Variants in CCDC6 observed in about 807,000 individuals in gnomAD.
The protein encoded by CCDC6 is coiled-coil domain-containing protein 6.
CCDC6 carries 20 observed loss-of-function variants against 56.6 expected under a neutral mutation model. That is an observed-to-expected ratio of 0.35 (90% CI 0.25 to 0.51). The LOEUF is 0.51. Ranked by LOEUF, CCDC6 falls within the 20% of genes least tolerant of loss-of-function variation. The probability of loss-of-function intolerance (pLI) is 0.95; values close to 1 mark genes in which losing one functional copy is unlikely to be tolerated. For synonymous variants in CCDC6, 241 were observed against 234.4 expected (o/e 1.03, Z -0.26); for missense variants, 367 against 601.1 (o/e 0.61, Z 4.07).
chr10:59,813,175 A>G (rs1473006940), intron 4 of CCDC6, among the ~76,000 whole-genome samples: 1 of 152,116 alleles, frequency 6.6e-6, no homozygotes, highest in Admixed American at 6.5e-5. Flanking sequence ...AGGAAATTCC[A>G]TTTTCTTACG....
intron 1 of CCDC6, among the ~76,000 whole-genome samples, chr10:59,869,142 G>A (rs1035569849): frequency 2.6e-5 from 4 of 151,518 alleles, no homozygotes; most frequent in African/African-American, 7.3e-5. Context: ...TCCCTACCAC[G>A]CCCTAATGAT....
At chr10:59,865,309 C>G (rs2071167637) in intron 1 of CCDC6, among the ~76,000 whole-genome samples, 1 of 152,132 alleles carries the variant, frequency 6.6e-6, no homozygotes, top group African/African-American at 2.4e-5. Flanking sequence ...CTCCTAACTT[C>G]AAAGAATCAA....
chr10:59,803,378 G>A (rs760018974), intron 7 of CCDC6, among the ~76,000 whole-genome samples: 30 of 150,440 alleles, frequency 2.0e-4, no homozygotes, highest in Non-Finnish European at 4.1e-4. Flanking sequence ...CTGATGCAAC[G>A]CTGTTTTACT....
intron 2 of CCDC6, among the ~76,000 whole-genome samples, chr10:59,832,906 T>C (rs1364662659): frequency 6.6e-6 from 1 of 152,270 alleles, no homozygotes; most frequent in Admixed American, 6.5e-5. Flanking sequence ...GGTTTTATAC[T>C]ATAGGCATAC....
chr10:59,821,070 C>T (rs942604713), intron 3 of CCDC6, among the ~76,000 whole-genome samples: 5 of 152,250 alleles, frequency 3.3e-5, no homozygotes, highest in Admixed American at 1.3e-4. Flanking sequence ...GGTACATCAA[C>T]ATCACCTGAG....
chr10:59,798,521 C>G (rs974359586), intron 7 of CCDC6, among the ~76,000 whole-genome samples: 2 of 151,998 alleles, frequency 1.3e-5, no homozygotes. Flanking sequence ...AAATGGAGGT[C>G]TGGGATAAAG....
chr10:59,877,887 A>C (rs529023921), intron 1 of CCDC6, among the ~76,000 whole-genome samples: 4 of 152,356 alleles, frequency 2.6e-5, no homozygotes, highest in Non-Finnish European at 4.4e-5. Context: ...ATGAGAAAGT[A>C]AAATTTTAAA....
rs571280711 is a variant in CCDC6 at position 59,897,463 on chromosome 10, C to A, written c.303+8659G>T. Among the ~76,000 whole-genome samples the A allele has an allele frequency of 9.2e-5, 14 of 152,224 alleles. No homozygotes were observed. In the South Asian group the frequency reaches 2.9e-3, roughly 32 times the overall value. On this transcript the variant is annotated intron_variant, in intron 1 of 8. Transcript: ENST00000263102. The stretch of plus-strand genomic sequence containing the variant: ...AGAGAAGGGGTTTCTCCATGTTAGT[C>A]AGGCTGGTCTCAAACTCCCGACCTC...
intron 1 of CCDC6, among the ~76,000 whole-genome samples, chr10:59,901,012 C>T (rs1019500857): frequency 9.2e-5 from 14 of 152,006 alleles, no homozygotes; most frequent in African/African-American, 1.9e-4. Flanking sequence ...GAACTGAGAT[C>T]GCACCACTGC....
chr10:59,843,162 A>G (rs565728838), intron 2 of CCDC6, among the ~76,000 whole-genome samples: 3 of 152,348 alleles, frequency 2.0e-5, no homozygotes, highest in Admixed American at 2.0e-4. Flanking sequence ...TTGGGATTAC[A>G]GGCGTGAGCC....
intron 1 of CCDC6, among the ~76,000 whole-genome samples, chr10:59,892,000 C>T (rs10821608): frequency 0.086 from 13,123 of 152,288 alleles, 705 homozygotes; most frequent in African/African-American, 0.14. Flanking sequence ...CCACAGACCA[C>T]CCTGGCCCAT....
Position 59,792,236 on chromosome 10 carries a change from G to A in CCDC6, c.*681C>T, listed in dbSNP as rs2070474530. 7.2e-6 allele frequency: 2 copies of A among 276,632 alleles called. No homozygotes were observed. Among genetic ancestry groups the A allele is most frequent in the Non-Finnish European group, 1.4e-5 (2 of 143,970 alleles). 17.1% of individuals were successfully genotyped at this position (276,632 alleles called of 1,614,324 possible). A position where few individuals can be genotyped will look rare whatever the true frequency, so the allele number is the denominator to read the frequency against. On this transcript the variant is annotated 3_prime_UTR_variant, in exon 9 of 9. Coordinates refer to ENST00000263102, the MANE Select transcript of CCDC6 (RefSeq NM_005436.5). Reference sequence around the variant, plus strand: ...AAAAGAGAATCACATCTTAATATACGATAATTATCCATCCCATTTATGTGG... The same window carrying A: ...AAAAGAGAATCACATCTTAATATACAATAATTATCCATCCCATTTATGTGG...
At position 59,794,407 on chromosome 10, in the gene CCDC6, C is replaced by A. The variant is rs1401815739; in HGVS notation, c.1230+66G>T. On this transcript the variant is annotated intron_variant, in intron 8 of 8. Coordinates refer to ENST00000263102, the MANE Select transcript of CCDC6 (RefSeq NM_005436.5). ...AATGTCTAAGGGCACCGATCCTGTT[C>A]TCCAGAACACCAGTCGGTACCACTT... The A allele has an allele frequency of 7.7e-6, 12 of 1,554,686 alleles. No individual in the cohort carries two copies. In the East Asian group the frequency reaches 2.5e-4, roughly 32 times the overall value.
intron 1 of CCDC6, among the ~76,000 whole-genome samples, chr10:59,880,180 C>A (rs1288338489): frequency 6.6e-6 from 1 of 151,990 alleles, no homozygotes; most frequent in Non-Finnish European, 1.5e-5. Flanking sequence ...AACCAGGTAG[C>A]TTTTTCTTCT....
intron 3 of CCDC6, among the ~76,000 whole-genome samples, chr10:59,820,309 A>G (rs2070739957): frequency 1.3e-5 from 2 of 152,206 alleles, no homozygotes; most frequent in South Asian, 4.1e-4. Context: ...CAGTTATAGG[A>G]TTTTGAAAGG....
intron 5 of CCDC6, among the ~76,000 whole-genome samples, chr10:59,810,103 C>T (rs1386012999): frequency 2.6e-5 from 4 of 152,198 alleles, no homozygotes; most frequent in East Asian, 1.9e-4. Flanking sequence ...GCGATGCCAA[C>T]GTTCAAACAT....
intron 2 of CCDC6, among the ~76,000 whole-genome samples, chr10:59,849,183 G>A (rs1398911734): frequency 6.6e-6 from 1 of 152,198 alleles, no homozygotes; most frequent in African/African-American, 2.4e-5. Flanking sequence ...TTGGAACAAT[G>A]TCTCACCAAT....
At chr10:59,902,542 C>T (rs1464823553) in intron 1 of CCDC6, among the ~76,000 whole-genome samples, 1 of 151,980 alleles carries the variant, frequency 6.6e-6, no homozygotes. Context: ...TACAGGCATG[C>T]AACACCATCC....
intron 1 of CCDC6, among the ~76,000 whole-genome samples, chr10:59,854,969 A>G (rs983663739): frequency 6.6e-6 from 1 of 152,242 alleles, no homozygotes; most frequent in African/African-American, 2.4e-5. Context: ...TCATTTCATT[A>G]TCAGATCAGA....
Sources: gnomAD v4.1 joint callset for allele counts (sites outside exome capture counted in the v4.1 genomes callset) on GRCh38, gnomAD v4.1.1 for gene constraint, MANE v1.5 for transcripts, NCBI Gene and HGNC (gene_info 2026-07-23, HGNC 2026-07-21) for gene names.